The following RAP1GAP2 variants were observed in gnomAD, a reference collection of about 807,000 sequenced individuals.
The protein encoded by RAP1GAP2 is rap1 GTPase-activating protein 2.
Under a neutral mutation model 95.0 loss-of-function variants are expected in RAP1GAP2, and 27 were observed. That is an observed-to-expected ratio of 0.28 (90% CI 0.21 to 0.39). RAP1GAP2 has a LOEUF of 0.39. Ranked by LOEUF, RAP1GAP2 falls within the 10% of genes least tolerant of loss-of-function variation. The probability of loss-of-function intolerance (pLI) is 1.00; values close to 1 mark genes in which losing one functional copy is unlikely to be tolerated. For missense variants in RAP1GAP2, 771 were observed against 970.0 expected, an observed-to-expected ratio of 0.79 and a Z score of 2.72; for synonymous variants, 373 against 380.9, an observed-to-expected ratio of 0.98 and a Z score of 0.24.
intron 2 of RAP1GAP2, among the ~76,000 whole-genome samples, chr17:2,802,344 G>A (rs2069336493): frequency 6.6e-6 from 1 of 152,188 alleles, no homozygotes; most frequent in African/African-American, 2.4e-5. Flanking sequence ...AGGTGAGGCT[G>A]GGCAGTTCGC....
intron 2 of RAP1GAP2, among the ~76,000 whole-genome samples, chr17:2,849,827 C>A (rs916223066): frequency 2.0e-5 from 3 of 152,192 alleles, no homozygotes; most frequent in Non-Finnish European, 4.4e-5. Context: ...TCATTTCCTG[C>A]GGTCTGCATG....
intron 3 of RAP1GAP2, among the ~76,000 whole-genome samples, chr17:2,937,515 A>C (rs1356386114): frequency 6.6e-6 from 1 of 152,010 alleles, no homozygotes; most frequent in Non-Finnish European, 1.5e-5. Context: ...TCTGAGTAGG[A>C]GTGGAGATGA....
chr17:2,863,521 G>C (rs184487407), intron 2 of RAP1GAP2, among the ~76,000 whole-genome samples: 359 of 152,250 alleles, frequency 2.4e-3, no homozygotes, highest in African/African-American at 8.2e-3. Flanking sequence ...GGAGTTGCGG[G>C]GGGCCTGTGG....
chr17:2,852,069 C>T (rs1420836469), intron 2 of RAP1GAP2, among the ~76,000 whole-genome samples: 1 of 152,140 alleles, frequency 6.6e-6, no homozygotes, highest in Admixed American at 6.6e-5. Context: ...TGTGGGTCCT[C>T]GGGTGCTGTG....
At chr17:2,894,597 C>CT (rs2073825857) in intron 2 of RAP1GAP2, among the ~76,000 whole-genome samples, 1 of 152,114 alleles carries the variant, frequency 6.6e-6, no homozygotes, top group Non-Finnish European at 1.5e-5. Flanking sequence ...GGGCCCCTGG[C>CT]TTGCCGTGCG....
intron 11 of RAP1GAP2, among the ~76,000 whole-genome samples, chr17:2,990,321 T>C (rs2045707737): frequency 6.6e-6 from 1 of 152,226 alleles, no homozygotes; most frequent in African/African-American, 2.4e-5. Flanking sequence ...GAGTGAAGTT[T>C]CTGGATCATT....
rs1462191033 is a variant in RAP1GAP2, at chr17:3,013,855, A to G, written c.1495-4206A>G. ...TTACCCTTCAGAACTTTTTCTGTCC[A>G]ATGCCTGTCCTCTCTGCATCTCAGA... On this transcript the variant is annotated intron_variant, in intron 17 of 24. Transcript: ENST00000254695. 2.0e-5 allele frequency among the ~76,000 whole-genome samples: 3 copies of G among 151,682 alleles called. No individual in the cohort carries two copies. The East Asian group carries it at 5.8e-4, about 29-fold the overall frequency.
At chr17:2,822,033 G>A (rs554744548) in intron 2 of RAP1GAP2, among the ~76,000 whole-genome samples, 113 of 152,242 alleles carry the variant, frequency 7.4e-4, no homozygotes, top group African/African-American at 2.5e-3. Context: ...GGAGGAGGCG[G>A]CAAGCTGGTG....
intron 11 of RAP1GAP2, among the ~76,000 whole-genome samples, chr17:2,990,698 G>A (rs1235276525): frequency 6.6e-6 from 1 of 152,150 alleles, no homozygotes. Context: ...CAGCAGCAGC[G>A]TGTGATGGTT....
rs1315607763 is a variant in RAP1GAP2, at chr17:2,963,514, G to C, written c.279+52G>C. ...TGCCCTGCAGCCTGCTCTGGGTCCC[G>C]TCCCTGGGGAAATGATGGCGATGGC... is the stretch of plus-strand genomic sequence containing the variant. On this transcript the variant is annotated intron_variant, in intron 6 of 24. Coordinates refer to ENST00000254695, the MANE Select transcript of RAP1GAP2 (RefSeq NM_015085.5). The surrounding 1 kb of genome is among the most constrained non-coding windows in gnomAD (Gnocchi z 4.8). The C allele has an allele frequency of 1.9e-6, 3 of 1,609,476 alleles. No individual in the cohort carries two copies. Among genetic ancestry groups the C allele is most frequent in the Non-Finnish European group, 2.6e-6 (3 of 1,176,028 alleles).
chr17:2,917,676 A>T (rs1314310891), intron 3 of RAP1GAP2, among the ~76,000 whole-genome samples: 2 of 151,944 alleles, frequency 1.3e-5, no homozygotes, highest in Admixed American at 1.3e-4. Context: ...AAGTGCTGGA[A>T]TTACAGGTGT....
chr17:3,019,277 T>C (rs923308663), intron 18 of RAP1GAP2, among the ~76,000 whole-genome samples: 1 of 152,084 alleles, frequency 6.6e-6, no homozygotes, highest in Non-Finnish European at 1.5e-5. Flanking sequence ...GCATGGTGGC[T>C]GAGGAGGGTG....
chr17:2,896,337 G>C (rs2041824093), intron 2 of RAP1GAP2, among the ~76,000 whole-genome samples: 1 of 152,182 alleles, frequency 6.6e-6, no homozygotes, highest in African/African-American at 2.4e-5. Flanking sequence ...CACACAAGAA[G>C]ACGTTTGGCC....
intron 3 of RAP1GAP2, among the ~76,000 whole-genome samples, chr17:2,924,254 A>T (rs552112454): frequency 6.6e-6 from 1 of 152,280 alleles, no homozygotes; most frequent in South Asian, 2.1e-4. Context: ...TCAGAAGAGC[A>T]GGCTGAGTAA....
At chr17:2,883,125 C>T (rs2151673481) in intron 2 of RAP1GAP2, among the ~76,000 whole-genome samples, 1 of 152,320 alleles carries the variant, frequency 6.6e-6, no homozygotes, top group Admixed American at 6.5e-5. Context: ...CCTCCATCTT[C>T]TCTGTGTTCA....
At chr17:2,929,242 AT>A (rs1256364926) in intron 3 of RAP1GAP2, among the ~76,000 whole-genome samples, 1 of 152,164 alleles carries the variant, frequency 6.6e-6, no homozygotes, top group Non-Finnish European at 1.5e-5. Flanking sequence ...CAAGAAAAAA[AT>A]AAAAGGCAGG....
intron 2 of RAP1GAP2, among the ~76,000 whole-genome samples, chr17:2,877,443 T>G (rs74948388): frequency 0.049 from 7,437 of 152,202 alleles, 186 homozygotes; most frequent in Middle Eastern, 0.082. Context: ...ACATCTCTGC[T>G]CTGCTCACAA....
intron 17 of RAP1GAP2, among the ~76,000 whole-genome samples, chr17:3,014,289 C>G (rs894349753): frequency 2.6e-5 from 4 of 152,172 alleles, no homozygotes; most frequent in Admixed American, 2.6e-4. Context: ...GCAGCAGGTT[C>G]CTTTACTGAA....
At chr17:3,019,728 T>C (rs1400749752) in intron 18 of RAP1GAP2, among the ~76,000 whole-genome samples, 1 of 152,212 alleles carries the variant, frequency 6.6e-6, no homozygotes, top group African/African-American at 2.4e-5. Context: ...GGGCCTCATC[T>C]CCATCCTGTG....
Sources: allele counts gnomAD v4.1 joint callset (sites outside exome capture counted in the v4.1 genomes callset), GRCh38; gene constraint gnomAD v4.1.1; non-coding constraint Gnocchi (gnomAD v3.1); transcripts MANE v1.5; gene names NCBI Gene and HGNC (gene_info 2026-07-23, HGNC 2026-07-21).